The following ITGB4 variants were observed in gnomAD, a reference collection of about 807,000 sequenced individuals.
The protein encoded by ITGB4 is integrin beta-4.
ITGB4 carries 159 observed loss-of-function variants against 207.6 expected under a neutral mutation model. The observed-to-expected ratio is 0.77, with a 90% CI of 0.67 to 0.87. The LOEUF is 0.87. Among genes scored for constraint, ITGB4 ranks in the 40% least tolerant of loss-of-function variants. The pLI is 0.00. For synonymous variants in ITGB4, 1,020 were observed against 1,062.7 expected, an observed-to-expected ratio of 0.96 and a Z score of 0.78; for missense variants, 2,278 against 2,546.8, an observed-to-expected ratio of 0.89 and a Z score of 2.27.
In ITGB4 at chr17:75,753,992, C is replaced by T; in HGVS notation, c.4318+18C>T. 4.5e-6 allele frequency: 5 copies of T among 1,114,778 alleles called. No individual in the cohort carries two copies. Among genetic ancestry groups the T allele is most frequent in the South Asian group, 7.1e-5 (2 of 28,206 alleles). 69.1% of individuals were successfully genotyped at this position (1,114,778 alleles called of 1,614,324 possible). A position where few individuals can be genotyped will look rare whatever the true frequency, so the allele number is the denominator to read the frequency against. On this transcript the variant is annotated intron_variant, in intron 33 of 39. Coordinates refer to ENST00000200181, the MANE Select transcript of ITGB4 (RefSeq NM_000213.5). ...CCCCGGAGGTGACAGGCTCACCCGC[C>T]GCCCCCCGATCCGCGCCCACCCAGC...
intron 18 of ITGB4, among the ~76,000 whole-genome samples, chr17:75,738,698 G>A (rs1040929021): frequency 6.6e-6 from 1 of 152,272 alleles, no homozygotes; most frequent in Non-Finnish European, 1.5e-5. Flanking sequence ...GAACAGACAA[G>A]AGAAAGCGTG....
Position 75,736,311 on chromosome 17 carries a change from C to T in ITGB4, c.1785C>T (p.His595=). 2 of 1,613,996 alleles carry T rather than the reference C, an allele frequency of 1.2e-6. No homozygotes were observed. The highest frequency in any genetic ancestry group is 1.7e-6 in the Non-Finnish European group (2 of 1,180,024). ...SNGGICNGRG[H]CECGRCHCHQ... is the part of the protein sequence containing the mutation. ...AGGGCATCTGTAATGGACGTGGCCA[C>T]TGTGAGTGTGGCCGCTGCCACTGCC... Residue 595 remains histidine, a synonymous_variant, in exon 15 of 40, where the codon CAC becomes CAT. Coordinates refer to ENST00000200181, the MANE Select transcript of ITGB4 (RefSeq NM_000213.5).
intron 5 of ITGB4, 61 bp from the exon 6 acceptor site, chr17:75,728,316 G>A: frequency 1.4e-6 from 2 of 1,423,768 alleles, no homozygotes; most frequent in South Asian, 1.1e-5. Flanking sequence ...TTGGTGGGGG[G>A]CCCGTGTTTA....
In ITGB4 at chr17:75,756,576, A is replaced by G. The variant is rs558254002; in HGVS notation, c.4856A>G (p.Glu1619Gly). The stretch of plus-strand genomic sequence containing the variant: ...GAGCGTGAGGGTGTCATCACCATTG[A>G]ATCCCAGGTGCACCCGCAGAGCCCA... The part of the protein sequence containing the change: ...GREREGVITI[E>G]SQVHPQSPLC... The change falls in exon 36 of 40, where the codon GAA becomes GGA. Residue 1619 changes from glutamate to glycine, a missense_variant. Transcript: ENST00000200181. The G allele has an allele frequency of 6.2e-7, 1 of 1,613,022 alleles. No individual in the cohort carries two copies. The highest frequency in any genetic ancestry group is 2.2e-5 in the East Asian group (1 of 44,870).
intron 34 of ITGB4, chr17:75,755,351 C>A: frequency 1.1e-6 from 1 of 927,014 alleles, no homozygotes; most frequent in Non-Finnish European, 1.6e-6. Flanking sequence ...CAGGCGCTAA[C>A]CACCTGCCCT....
At chr17:75,749,110 GGT>G in intron 27 of ITGB4, 65 bp downstream of exon 27, 1 of 1,346,216 alleles carries the variant, frequency 7.4e-7, no homozygotes, top group Middle Eastern at 2.4e-4. Flanking sequence ...CTCTCAACTA[GGT>G]CTGTCAGACT....
chr17:75,741,243 T>C (rs2061102609), intron 23 of ITGB4: 1 of 617,470 alleles, frequency 1.6e-6, no homozygotes, highest in South Asian at 1.8e-5. Flanking sequence ...ATCAACCCAG[T>C]CCCTGCCCTC....
At position 75,731,247 on chromosome 17, in the gene ITGB4, G is replaced by T. The variant is rs749456201; in HGVS notation, c.1094G>T (p.Arg365Leu). Residue 365 changes from arginine (R) to leucine (L), a missense_variant and splice_region_variant, in exon 10 of 40, where the codon CGG becomes CTG. Coordinates refer to ENST00000200181, the MANE Select transcript of ITGB4 (RefSeq NM_000213.5). This position sits in a 1 kb window ranked among gnomAD's most constrained non-coding sequence, Gnocchi z 6.8. ...IVELLEEAFN[R>L]IRSNLDIRAL... ...TGATCAACCTCCTTCCTCCTTTAGC[G>T]GATCCGCTCCAACCTGGACATCCGG... is the stretch of plus-strand genomic sequence containing the variant. 1 of 1,613,264 alleles carries T rather than the reference G, an allele frequency of 6.2e-7. No homozygotes were observed. The highest frequency in any genetic ancestry group is 1.3e-5 in the African/African-American group (1 of 74,924).
chr17:75,754,433 C>T, intron 33 of ITGB4, 143 bp from the exon 34 acceptor site: 1 of 1,013,360 alleles, frequency 9.9e-7, no homozygotes, highest in Admixed American at 1.9e-5. Context: ...GGCCTCTGTC[C>T]CTAGTGGTTT....
At position 75,757,728 on chromosome 17, in the gene ITGB4, T is replaced by C. The variant is rs181093059; in HGVS notation, c.*173T>C. The C allele has an allele frequency of 8.1e-5, 70 of 862,942 alleles. No individual in the cohort carries two copies. The highest frequency in any genetic ancestry group is 1.3e-4 in the Non-Finnish European group (69 of 540,676). 53.5% of individuals were successfully genotyped at this position (862,942 alleles called of 1,614,324 possible). Reference sequence around the variant, plus strand: ...TGAAGGGGGCAAGGTCCGTCCTCTGTGGGCCCAAACCTATTTGTAACCAAA... The same window carrying C: ...TGAAGGGGGCAAGGTCCGTCCTCTGCGGGCCCAAACCTATTTGTAACCAAA... On this transcript the variant is annotated 3_prime_UTR_variant, in exon 40 of 40. Coordinates refer to ENST00000200181, the MANE Select transcript of ITGB4 (RefSeq NM_000213.5).
chr17:75,742,845 G>T lies in ITGB4; in HGVS notation c.2962+84G>T. The T allele has an allele frequency of 1.5e-6, 2 of 1,316,492 alleles. No homozygotes were observed. The highest frequency in any genetic ancestry group is 2.1e-6 in the Non-Finnish European group (2 of 953,438). The allele number at this position is 1,316,492 out of a possible 1,614,324, so 81.6% of individuals were successfully genotyped here. On this transcript the variant is annotated intron_variant, in intron 25 of 39. Transcript: ENST00000200181. This position sits in a 1 kb window ranked among gnomAD's most constrained non-coding sequence, Gnocchi z 5.9. ...CCTGCTTAAGTGGAATTGCGACCTGGCCACGTGGCCTGGGCTAGTCACTTA... is the reference window on the plus strand; with the variant it reads ...CCTGCTTAAGTGGAATTGCGACCTGTCCACGTGGCCTGGGCTAGTCACTTA...
intron 2 of ITGB4, among the ~76,000 whole-genome samples, chr17:75,726,491 G>T (rs1386684117): frequency 6.6e-6 from 1 of 152,084 alleles, no homozygotes; most frequent in East Asian, 1.9e-4. Context: ...CAGCACTTTG[G>T]GAGGCTGAGG....
rs201686414 is a variant in ITGB4 at position 75,731,387 on chromosome 17, A to C, written c.1215+19A>C. 1 of 1,579,760 alleles carries C rather than the reference A, an allele frequency of 6.3e-7. No homozygotes were observed. Among genetic ancestry groups the C allele is most frequent in the African/African-American group, 1.3e-5 (1 of 74,362 alleles). Reference sequence around the variant, plus strand: ...GGAAGTGGTACGCCTCTGTGGGGGCAGCGGGGTGGGGGATAGGCACAGCGC... The same window carrying C: ...GGAAGTGGTACGCCTCTGTGGGGGCCGCGGGGTGGGGGATAGGCACAGCGC... On this transcript the variant is annotated intron_variant, in intron 10 of 39. Coordinates refer to ENST00000200181, the MANE Select transcript of ITGB4 (RefSeq NM_000213.5). The surrounding 1 kb of genome is among the most constrained non-coding windows in gnomAD (Gnocchi z 6.8).
intron 9 of ITGB4, 25 bp downstream of exon 9, chr17:75,730,989 T>C: frequency 1.3e-6 from 2 of 1,586,880 alleles, no homozygotes; most frequent in Non-Finnish European, 1.7e-6. Context: ...GGCTCCAGAG[T>C]CTGAGCCCTT....
intron 16 of ITGB4, 73 bp from the exon 17 acceptor site, chr17:75,737,249 C>T: frequency 6.5e-7 from 1 of 1,545,096 alleles, no homozygotes; most frequent in Non-Finnish European, 8.7e-7. Context: ...GTAGGGGCCC[C>T]CTCACCAGAC....
At position 75,737,537 on chromosome 17, in the gene ITGB4, G is replaced by C. The variant is rs930520205; in HGVS notation, c.2114-1G>C. Reference sequence around the variant, plus strand: ...ACCTCCCCCTGCCTCCTCCTCTCCAGACTGCCCTCCGGGCTCCTTCTGGTG... The same window carrying C: ...ACCTCCCCCTGCCTCCTCCTCTCCACACTGCCCTCCGGGCTCCTTCTGGTG... On this transcript the variant is annotated splice_acceptor_variant, in intron 17 of 39. Coordinates refer to ENST00000200181, the MANE Select transcript of ITGB4 (RefSeq NM_000213.5). LOFTEE classifies it high-confidence loss of function. 3.8e-6 allele frequency: 6 copies of C among 1,571,350 alleles called. No homozygotes were observed. In the African/African-American group the frequency reaches 5.4e-5, roughly 14 times the overall value.
In ITGB4 at chr17:75,732,208, G is replaced by A. The variant is rs766765538; in HGVS notation, c.1423G>A (p.Val475Met). 31 of 1,614,108 alleles carry A rather than the reference G, an allele frequency of 1.9e-5. No individual in the cohort carries two copies. Among genetic ancestry groups the A allele is most frequent in the South Asian group, 5.5e-5 (5 of 91,088 alleles). Residue 475 changes from valine to methionine, a missense_variant, in exon 12 of 40, where the codon GTG (valine) becomes ATG (methionine). Transcript: ENST00000200181. The surrounding 1 kb of genome is among the most constrained non-coding windows in gnomAD (Gnocchi z 5.3). ...SARCSFNGDF[V>M]CGQCVCSEGW... Reference sequence around the variant, plus strand: ...TCGCTGCAGCTTCAACGGAGACTTCGTGTGCGGACAGTGTGTGTGCAGCGA... The same window carrying A: ...TCGCTGCAGCTTCAACGGAGACTTCATGTGCGGACAGTGTGTGTGCAGCGA...
rs374042542 is a variant in ITGB4 at position 75,750,419 on chromosome 17, C to A, written c.3474+151C>A. On this transcript the variant is annotated intron_variant, in intron 28 of 39. Transcript: ENST00000200181. The surrounding 1 kb of genome is among the most constrained non-coding windows in gnomAD (Gnocchi z 5.5). ...TGGTCAGAGGGAAACCCGGTCTGTG[C>A]TGGGAAAGAGGGAAGACCCATTCCT... The A allele has an allele frequency of 1.1e-6, 1 of 932,060 alleles. No individual in the cohort carries two copies. The allele number at this position is 932,060 out of a possible 1,614,324, so 57.7% of individuals were successfully genotyped here. A position where few individuals can be genotyped will look rare whatever the true frequency, so the allele number is the denominator to read the frequency against.
At chr17:75,751,266 A>G (rs1038079613) in intron 30 of ITGB4, among the ~76,000 whole-genome samples, 155 bp downstream of exon 30, 2 of 152,164 alleles carry the variant, frequency 1.3e-5, no homozygotes, top group African/African-American at 2.4e-5. Flanking sequence ...AGGCATCTTT[A>G]GGGTTTTGGC....
Sources: allele counts gnomAD v4.1 joint callset (sites outside exome capture counted in the v4.1 genomes callset), GRCh38; gene constraint gnomAD v4.1.1; non-coding constraint Gnocchi (gnomAD v3.1); transcripts MANE v1.5; gene names NCBI Gene and HGNC (gene_info 2026-07-23, HGNC 2026-07-21).